The following DAB1 variants were observed in gnomAD, a reference collection of about 807,000 sequenced individuals.
The protein encoded by DAB1 is DAB adaptor protein 1.
In DAB1, 15 loss-of-function variants were observed where a neutral mutation model predicts 64.6. The observed-to-expected ratio is 0.23, with a 90% CI of 0.16 to 0.36. The LOEUF is 0.36. Among genes scored for constraint, DAB1 ranks in the 10% least tolerant of loss-of-function variants. The pLI, the probability that DAB1 is intolerant of heterozygous loss-of-function variation, is 1.00. For synonymous variants in DAB1, 235 were observed against 251.9 expected (o/e 0.93, Z 0.64); for missense variants, 596 against 706.7 (o/e 0.84, Z 1.78).
chr1:58,308,987 T>C (rs1046940086), intron 4 of DAB1, among the ~76,000 whole-genome samples: 2 of 152,202 alleles, frequency 1.3e-5, no homozygotes, highest in Non-Finnish European at 2.9e-5. Flanking sequence ...CTGAAGGATC[T>C]TGTGGTCCAA....
At chr1:57,567,271 G>A (rs1374455065) in intron 7 of DAB1, among the ~76,000 whole-genome samples, 2 of 152,104 alleles carry the variant, frequency 1.3e-5, no homozygotes, top group East Asian at 3.9e-4. Context: ...TTGATGGGAT[G>A]TATCTCAAAA....
chr1:57,124,024 T>G (rs1458630663), intron 4 of DAB1, among the ~76,000 whole-genome samples: 1 of 152,206 alleles, frequency 6.6e-6, no homozygotes, highest in Non-Finnish European at 1.5e-5. Flanking sequence ...CTCTATCAAC[T>G]ACCACTGTGT....
chr1:58,025,801 T>G (rs541714472), intron 5 of DAB1, among the ~76,000 whole-genome samples: 2 of 151,478 alleles, frequency 1.3e-5, no homozygotes, highest in Admixed American at 6.6e-5. Context: ...TTCCTTAAGA[T>G]AGCATCCAAG....
chr1:57,708,867 A>C (rs1646996656), intron 6 of DAB1, among the ~76,000 whole-genome samples: 1 of 151,766 alleles, frequency 6.6e-6, no homozygotes, highest in Non-Finnish European at 1.5e-5. Context: ...TCTCCTTAAT[A>C]TTATGTTCAG....
chr1:57,200,048 T>C (rs529374794), intron 2 of DAB1, among the ~76,000 whole-genome samples: 92 of 152,182 alleles, frequency 6.0e-4, no homozygotes, highest in Non-Finnish European at 9.4e-4. Context: ...ACTATTCCAT[T>C]TAATCAAGTC....
intron 5 of DAB1, among the ~76,000 whole-genome samples, chr1:58,037,438 G>C (rs968025954): frequency 3.3e-5 from 5 of 152,176 alleles, no homozygotes; most frequent in African/African-American, 1.2e-4. Context: ...CAGGAGATGA[G>C]TGGCAGCCGA....
In DAB1 at chr1:57,027,415, C is replaced by T. The variant is rs954140119; in HGVS notation, c.724-1372G>A. Reference sequence around the variant, plus strand: ...CAGCCCCTGCCTCTTTGCAGACAGCCCCTTCTCTGCTGTGCTGCCCACTGC... The same window carrying T: ...CAGCCCCTGCCTCTTTGCAGACAGCTCCTTCTCTGCTGTGCTGCCCACTGC... On this transcript the variant is annotated intron_variant, in intron 9 of 14. Coordinates refer to ENST00000371236, the MANE Select transcript of DAB1 (RefSeq NM_001365792.1). Among the ~76,000 whole-genome samples, 4 of 152,206 alleles carry T rather than the reference C, an allele frequency of 2.6e-5. No individual in the cohort carries two copies. The East Asian group carries it at 7.7e-4, about 29-fold the overall frequency.
At chr1:57,071,271 G>T in intron 6 of DAB1, 1 of 646,652 alleles carries the variant, frequency 1.5e-6, no homozygotes, top group Non-Finnish European at 2.6e-6. Flanking sequence ...AAAAGCAATT[G>T]TGTTTCTTGG....
rs570680318 is a variant in DAB1 at position 57,389,793 on chromosome 1, G to A, written c.-137+34137C>T. 8.5e-5 allele frequency among the ~76,000 whole-genome samples: 13 copies of A among 152,096 alleles called. No homozygotes were observed. In the East Asian group the frequency reaches 1.5e-3, roughly 18 times the overall value. ...GCAGGTCACTAGCCCTATACTTTCC[G>A]AGATACAGAAAATTTAGATACCTAA... On this transcript the variant is annotated intron_variant, in intron 1 of 14. Transcript: ENST00000371236.
intron 3 of DAB1, among the ~76,000 whole-genome samples, chr1:58,367,727 C>G (rs1181462916): frequency 1.3e-5 from 2 of 152,132 alleles, no homozygotes; most frequent in African/African-American, 4.8e-5. Flanking sequence ...CCATGACATC[C>G]TCCATAATGT....
intron 4 of DAB1, among the ~76,000 whole-genome samples, chr1:58,325,977 A>G (rs1662812976): frequency 6.6e-6 from 1 of 152,098 alleles, no homozygotes; most frequent in Non-Finnish European, 1.5e-5. Context: ...GGACTCTGCC[A>G]CTCGGCCACC....
chr1:57,765,245 G>A (rs1365198751), intron 6 of DAB1, among the ~76,000 whole-genome samples: 1 of 152,128 alleles, frequency 6.6e-6, no homozygotes, highest in Non-Finnish European at 1.5e-5. Flanking sequence ...AGGCTGTGAG[G>A]ATATATTCCC....
intron 6 of DAB1, among the ~76,000 whole-genome samples, chr1:57,658,147 G>T: frequency 6.6e-6 from 1 of 152,038 alleles, no homozygotes; most frequent in South Asian, 2.1e-4. Flanking sequence ...GAAAGCCCAC[G>T]TACACCAAAC....
At chr1:58,040,774 A>G (rs971914307) in intron 5 of DAB1, among the ~76,000 whole-genome samples, 1 of 152,348 alleles carries the variant, frequency 6.6e-6, no homozygotes, top group East Asian at 1.9e-4. Context: ...TGATGTATTC[A>G]TATTTTTTCT....
In DAB1 at chr1:57,071,608, A is replaced by C. The variant is rs1651471662; in HGVS notation, c.472T>G (p.Phe158Val). Residue 158 changes from phenylalanine to valine, a missense_variant, in exon 6 of 15, where the codon TTT (phenylalanine) becomes GTT (valine). Physicochemically the swap from Phe to Val is conservative, Grantham distance 50. Transcript: ENST00000371236. ...TGCTTCAATTCATAAATGAGTTGAA[A>C]GAGATCTCTCAAGTCCAGAATAACA... Reference protein sequence around the residue: ...EPVILDLRDLFQLIYELKQRE... With the variant: ...EPVILDLRDLVQLIYELKQRE... The C allele has an allele frequency of 6.2e-7, 1 of 1,613,582 alleles. No homozygotes were observed. Among genetic ancestry groups the C allele is most frequent in the South Asian group, 1.1e-5 (1 of 91,074 alleles).
intron 7 of DAB1, among the ~76,000 whole-genome samples, chr1:57,439,424 T>TTTGTTTGTTTTTTTTTG (rs1558381326): frequency 1.7e-5 from 2 of 117,110 alleles, no homozygotes; most frequent in South Asian, 5.7e-4. Context: ...TGAGGTTTTT[T>TTTGTTTGTTTTTTTTTG]CTTTTTTTTT....
At chr1:58,425,372 G>A (rs930247530) in intron 3 of DAB1, among the ~76,000 whole-genome samples, 2 of 152,206 alleles carry the variant, frequency 1.3e-5, no homozygotes, top group Admixed American at 1.3e-4. Flanking sequence ...GGGTCCAGCT[G>A]TTTCCCTGCC....
chr1:57,604,282 G>A (rs548366047), intron 7 of DAB1, among the ~76,000 whole-genome samples: 9 of 152,258 alleles, frequency 5.9e-5, no homozygotes, highest in Admixed American at 2.6e-4. Flanking sequence ...TTGTGAAACC[G>A]AAAATAAGTT....
chr1:58,355,437 A>G (rs540880980), intron 3 of DAB1, among the ~76,000 whole-genome samples: 2 of 152,230 alleles, frequency 1.3e-5, no homozygotes, highest in Admixed American at 6.5e-5. Context: ...GAAGAGTTTA[A>G]TTTTTTTTCC....
Sources: gnomAD v4.1 joint callset for allele counts (sites outside exome capture counted in the v4.1 genomes callset) on GRCh38, gnomAD v4.1.1 for gene constraint, MANE v1.5 for transcripts, NCBI Gene and HGNC (gene_info 2026-07-23, HGNC 2026-07-21) for gene names.